The following HS1BP3 variants were observed in gnomAD, a reference collection of about 807,000 sequenced individuals.
The protein encoded by HS1BP3 is HCLS1 binding protein 3.
Under a neutral mutation model 33.5 loss-of-function variants are expected in HS1BP3, and 32 were observed. The ratio of observed to expected loss-of-function variants is 0.95; its 90% confidence interval spans 0.72 to 1.28. The LOEUF (loss-of-function observed/expected upper bound fraction) is 1.28. Among genes scored for constraint, HS1BP3 ranks in the 50% most tolerant of loss-of-function variants. HS1BP3 has a pLI of 0.00. For missense variants in HS1BP3, 486 were observed against 502.3 expected (o/e 0.97, Z 0.31); for synonymous variants, 187 against 209.2 (o/e 0.89, Z 0.92).
chr2:20,567,288 T>C (rs1047301127), intron 5 of HS1BP3, among the ~76,000 whole-genome samples: 1 of 152,146 alleles, frequency 6.6e-6, no homozygotes, highest in African/African-American at 2.4e-5. Flanking sequence ...CCACATTCCC[T>C]GTAAGGTGCT....
At chr2:20,585,672 A>G (rs62124227) in intron 5 of HS1BP3, among the ~76,000 whole-genome samples, 11,832 of 152,256 alleles carry the variant, frequency 0.078, 628 homozygotes, top group African/African-American at 0.15. Flanking sequence ...TGCTATCTCC[A>G]AATACTAGAA....
intron 5 of HS1BP3, among the ~76,000 whole-genome samples, chr2:20,573,589 C>T (rs555215888): frequency 3.9e-5 from 6 of 152,296 alleles, no homozygotes; most frequent in African/African-American, 7.2e-5. Context: ...CTAAAGGAGT[C>T]GCAGCCTCCC....
intron 5 of HS1BP3, among the ~76,000 whole-genome samples, chr2:20,580,943 C>A (rs565640506): frequency 6.6e-6 from 1 of 152,312 alleles, no homozygotes; most frequent in South Asian, 2.1e-4. Flanking sequence ...TGGCCCAGAC[C>A]CAAGGATACC....
intron 5 of HS1BP3, among the ~76,000 whole-genome samples, chr2:20,569,292 A>G (rs1693209735): frequency 6.6e-6 from 1 of 152,208 alleles, no homozygotes; most frequent in Non-Finnish European, 1.5e-5. Context: ...CCTTCAGACA[A>G]TAACGTGTCC....
intron 2 of HS1BP3, among the ~76,000 whole-genome samples, chr2:20,599,350 C>A (rs1403232072): frequency 1.3e-5 from 2 of 152,258 alleles, no homozygotes; most frequent in Admixed American, 1.3e-4. Context: ...AGGCAGCCAA[C>A]GGGTGCACGC....
chr2:20,640,762 A>C (rs1385517046), intron 3 of HS1BP3: 2 of 619,646 alleles, frequency 3.2e-6, no homozygotes, highest in Non-Finnish European at 5.9e-6. Context: ...GTGAGCCCCC[A>C]CCTGACAGCC....
At chr2:20,604,995 G>A (rs776754602) in intron 2 of HS1BP3, among the ~76,000 whole-genome samples, 15 of 152,200 alleles carry the variant, frequency 9.9e-5, no homozygotes, top group Non-Finnish European at 1.8e-4. Flanking sequence ...AAAGAATCAT[G>A]GATGTTCCCA....
intron 2 of HS1BP3, among the ~76,000 whole-genome samples, chr2:20,606,976 T>C (rs1694199128): frequency 9.9e-6 from 1 of 100,946 alleles, no homozygotes; most frequent in Non-Finnish European, 2.6e-5. Context: ...AATTTATCTT[T>C]TTATTTTTTT....
In HS1BP3 at chr2:20,651,016, CG is replaced by C; in HGVS notation, c.32+15del. On this transcript the variant is annotated intron_variant, in intron 1 of 6. Transcript: ENST00000304031. ...ACTGCGAGCTGTGCGGTGTGGGGCG[CG>C]GGGGTCTGGCTCACCTGGAGGTGAC... The C allele has an allele frequency of 1.6e-6, 2 of 1,238,576 alleles. No individual in the cohort carries two copies. Among genetic ancestry groups the C allele is most frequent in the Non-Finnish European group, 1.0e-6 (1 of 992,062 alleles). The allele number at this position is 1,238,576 out of a possible 1,614,324, so 76.7% of individuals were successfully genotyped here. A position where few individuals can be genotyped will look rare whatever the true frequency, so the allele number is the denominator to read the frequency against.
At chr2:20,563,176 C>T (rs1235340813) in intron 5 of HS1BP3, among the ~76,000 whole-genome samples, 1 of 152,238 alleles carries the variant, frequency 6.6e-6, no homozygotes, top group East Asian at 1.9e-4. Context: ...TCATGCTCAC[C>T]TCTCCCCCAT....
chr2:20,589,837 G>A (rs1053768645), downstream of HS1BP3, among the ~76,000 whole-genome samples: 3 of 152,094 alleles, frequency 2.0e-5, no homozygotes, highest in East Asian at 1.9e-4. Context: ...AGCTGGGGGC[G>A]GGATTGTGGG....
chr2:20,645,653 C>A, intron 1 of HS1BP3, 148 bp from the exon 2 acceptor site: 2 of 753,172 alleles, frequency 2.7e-6, no homozygotes, highest in Non-Finnish European at 4.1e-6. Context: ...TCCAGGCCAC[C>A]CATCCCGCCA....
At chr2:20,599,649 C>CACACACAT (rs1553317640) in intron 2 of HS1BP3, among the ~76,000 whole-genome samples, 17 of 138,840 alleles carry the variant, frequency 1.2e-4, no homozygotes, top group African/African-American at 5.0e-4. Context: ...CACACACACA[C>CACACACAT]TCTGTTTTTT....
At chr2:20,564,283 G>C (rs1044653685) in intron 5 of HS1BP3, among the ~76,000 whole-genome samples, 1 of 152,218 alleles carries the variant, frequency 6.6e-6, no homozygotes, top group African/African-American at 2.4e-5. Flanking sequence ...GTCTACTGCA[G>C]GGTGGACGGC....
intron 6 of HS1BP3, among the ~76,000 whole-genome samples, chr2:20,619,701 T>A (rs1230391641): frequency 1.3e-5 from 2 of 152,234 alleles, no homozygotes; most frequent in African/African-American, 4.8e-5. Flanking sequence ...ATCACGCAGA[T>A]GAGGACGCTG....
chr2:20,579,125 A>T (rs1352409663), intron 5 of HS1BP3, among the ~76,000 whole-genome samples: 3 of 152,054 alleles, frequency 2.0e-5, no homozygotes, highest in Non-Finnish European at 4.4e-5. Flanking sequence ...AGTCCAGGAA[A>T]CTCTACAGGA....
downstream of HS1BP3, among the ~76,000 whole-genome samples, chr2:20,617,508 T>C (rs1375557564): frequency 6.6e-6 from 1 of 151,944 alleles, no homozygotes; most frequent in East Asian, 1.9e-4. Flanking sequence ...GCGCCACAGC[T>C]GGAGAGGGAC....
chr2:20,645,281 G>A (rs138301449), intron 2 of HS1BP3, 59 bp downstream of exon 2: 24,837 of 1,541,922 alleles, frequency 0.016, 268 homozygotes, highest in South Asian at 0.034. Flanking sequence ...GGGCAGATGT[G>A]TCTGCCCGCC....
the HS1BP3 span, among the ~76,000 whole-genome samples, chr2:20,553,864 T>G: frequency 6.6e-6 from 1 of 152,242 alleles, no homozygotes; most frequent in Non-Finnish European, 1.5e-5. Context: ...GAACGTGGAA[T>G]GGTCTGAGAT....
Sources: allele counts gnomAD v4.1 joint callset (sites outside exome capture counted in the v4.1 genomes callset), GRCh38; gene constraint gnomAD v4.1.1; transcripts MANE v1.5; gene names NCBI Gene and HGNC (gene_info 2026-07-23, HGNC 2026-07-21).